The following SPAG16 variants were observed in gnomAD, a reference collection of about 807,000 sequenced individuals.
SPAG16 encodes sperm associated antigen 16.
A neutral mutation model predicts 80.4 loss-of-function variants in SPAG16; 86 were observed. The ratio of observed to expected loss-of-function variants is 1.07; its 90% confidence interval spans 0.90 to 1.28. SPAG16 has a LOEUF of 1.28. SPAG16 is among the 50% of genes most tolerant of loss of function. The pLI, the probability that SPAG16 is intolerant of heterozygous loss-of-function variation, is 0.00. For missense variants in SPAG16, 870 were observed against 765.3 expected, an observed-to-expected ratio of 1.14 and a Z score of -1.61; for synonymous variants, 294 against 265.9, an observed-to-expected ratio of 1.11 and a Z score of -1.03.
chr2:214,255,152 T>C (rs943267985), intron 15 of SPAG16, among the ~76,000 whole-genome samples: 1 of 152,072 alleles, frequency 6.6e-6, no homozygotes, highest in Admixed American at 6.6e-5. Flanking sequence ...ATAAAATCAA[T>C]CATCAGTGAA....
intron 10 of SPAG16, among the ~76,000 whole-genome samples, chr2:213,799,778 T>C (rs185747807): frequency 6.6e-6 from 1 of 152,110 alleles, no homozygotes; most frequent in Non-Finnish European, 1.5e-5. Flanking sequence ...CAAATTGTTT[T>C]GTATAAAAGT....
chr2:213,587,380 T>C (rs2060510222), intron 10 of SPAG16, among the ~76,000 whole-genome samples: 1 of 151,990 alleles, frequency 6.6e-6, no homozygotes, highest in African/African-American at 2.4e-5. Context: ...CATACCTGGG[T>C]CAATTGAGGA....
intron 10 of SPAG16, among the ~76,000 whole-genome samples, chr2:213,562,820 A>G (rs912608527): frequency 2.0e-5 from 3 of 151,988 alleles, no homozygotes; most frequent in African/African-American, 7.3e-5. Flanking sequence ...ATGCCTGGTG[A>G]GGGCCGATTT....
intron 11 of SPAG16, among the ~76,000 whole-genome samples, chr2:213,913,482 G>GTGTGTGTC (rs146134439): frequency 6.6e-6 from 1 of 151,038 alleles, no homozygotes; most frequent in East Asian, 1.9e-4. Flanking sequence ...GAATATGTGT[G>GTGTGTGTC]TGTGTGTCTG....
chr2:213,852,110 A>C (rs180809207), intron 10 of SPAG16, among the ~76,000 whole-genome samples: 1 of 152,294 alleles, frequency 6.6e-6, no homozygotes, highest in East Asian at 1.9e-4. Context: ...TCACCTTGGC[A>C]CTTTTTAAGT....
chr2:214,076,882 C>T (rs192643753), intron 13 of SPAG16, among the ~76,000 whole-genome samples: 53 of 152,148 alleles, frequency 3.5e-4, no homozygotes, highest in African/African-American at 1.2e-3. Flanking sequence ...AACTTGTACC[C>T]TGATCAATAG....
intron 14 of SPAG16, among the ~76,000 whole-genome samples, chr2:214,129,126 G>A (rs2054632924): frequency 6.7e-6 from 1 of 150,240 alleles, no homozygotes. Context: ...CTAAATACTA[G>A]AGGAGGTTTC....
intron 15 of SPAG16, among the ~76,000 whole-genome samples, chr2:214,237,412 C>A (rs1409034231): frequency 6.6e-6 from 1 of 151,932 alleles, no homozygotes; most frequent in Non-Finnish European, 1.5e-5. Flanking sequence ...TAATGATCTA[C>A]GCTCATGGAG....
intron 15 of SPAG16, among the ~76,000 whole-genome samples, chr2:214,332,242 ACT>A (rs1249407876): frequency 6.6e-6 from 1 of 152,152 alleles, no homozygotes; most frequent in Non-Finnish European, 1.5e-5. Context: ...ACAGAGTGAG[ACT>A]CTGCCTCACA....
chr2:214,162,730 G>T (rs2056490608), intron 15 of SPAG16, among the ~76,000 whole-genome samples: 1 of 151,900 alleles, frequency 6.6e-6, no homozygotes, highest in Non-Finnish European at 1.5e-5. Flanking sequence ...TTCTAGTATT[G>T]TCTGCTTAAT....
intron 10 of SPAG16, among the ~76,000 whole-genome samples, chr2:213,776,826 A>AC (rs140864608): frequency 0.19 from 20,284 of 106,238 alleles, 1,909 homozygotes; most frequent in Middle Eastern, 0.27. Flanking sequence ...GTTCTATGCC[A>AC]CCCCCCCCCC....
chr2:213,443,130 T>C (rs1559138005), intron 9 of SPAG16, among the ~76,000 whole-genome samples: 9 of 152,322 alleles, frequency 5.9e-5, no homozygotes, highest in Admixed American at 5.2e-4. Flanking sequence ...AGAATTTTAA[T>C]CTGTCCAGCA....
intron 10 of SPAG16, among the ~76,000 whole-genome samples, chr2:213,585,687 TGC>T (rs2060448098): frequency 6.6e-6 from 1 of 152,218 alleles, no homozygotes; most frequent in Non-Finnish European, 1.5e-5. Context: ...GCATTTTTTT[TGC>T]ATTTAAATTC....
intron 11 of SPAG16, among the ~76,000 whole-genome samples, chr2:213,928,251 AT>A (rs566334387): frequency 2.4e-3 from 348 of 143,932 alleles, no homozygotes; most frequent in East Asian, 4.5e-3. Flanking sequence ...TGCCTGGCTA[AT>A]TTTTTTTTTT....
intron 15 of SPAG16, among the ~76,000 whole-genome samples, chr2:214,223,485 A>G (rs2058631541): frequency 6.6e-6 from 1 of 152,120 alleles, no homozygotes; most frequent in African/African-American, 2.4e-5. Flanking sequence ...AAATAAAGTT[A>G]TATCCAACCT....
At chr2:213,686,567 A>G (rs990488713) in intron 10 of SPAG16, among the ~76,000 whole-genome samples, 1 of 151,698 alleles carries the variant, frequency 6.6e-6, no homozygotes, top group Non-Finnish European at 1.5e-5. Context: ...ACAGCAAATA[A>G]TTGGATTTTA....
chr2:213,882,526 A>G (rs767775171), intron 11 of SPAG16, among the ~76,000 whole-genome samples: 4 of 152,136 alleles, frequency 2.6e-5, no homozygotes, highest in Non-Finnish European at 5.9e-5. Flanking sequence ...TTCCTGGTTC[A>G]ATCTTGGGAG....
At chr2:213,348,471 C>T (rs1165140388) in intron 6 of SPAG16, among the ~76,000 whole-genome samples, 1 of 151,944 alleles carries the variant, frequency 6.6e-6, no homozygotes, top group African/African-American at 2.4e-5. Flanking sequence ...TCTTCCTAGC[C>T]TCGATGGTCT....
At chr2:214,235,160 G>A (rs148249693) in intron 15 of SPAG16, among the ~76,000 whole-genome samples, 273 of 152,230 alleles carry the variant, frequency 1.8e-3, no homozygotes, top group African/African-American at 6.3e-3. Context: ...TATTTGTGTA[G>A]TATTGATTTG....
Sources: allele counts gnomAD v4.1 joint callset (sites outside exome capture counted in the v4.1 genomes callset), GRCh38; gene constraint gnomAD v4.1.1; transcripts MANE v1.5; gene names NCBI Gene and HGNC (gene_info 2026-07-23, HGNC 2026-07-21).